The following DNER variants were observed in gnomAD, a reference collection of about 807,000 sequenced individuals.
DNER encodes the protein delta and Notch-like epidermal growth factor-related receptor.
Under a neutral mutation model 78.2 loss-of-function variants are expected in DNER, and 33 were observed. The observed-to-expected ratio is 0.42, with a 90% CI of 0.32 to 0.56. The LOEUF (loss-of-function observed/expected upper bound fraction) is 0.56, where lower values mean the gene tolerates loss of function less well. DNER is among the 20% of genes least tolerant of loss of function. The pLI is 0.11. For missense variants in DNER, 918 were observed against 975.3 expected, an observed-to-expected ratio of 0.94 and a Z score of 0.78; for synonymous variants, 417 against 384.8, an observed-to-expected ratio of 1.08 and a Z score of -0.98.
At chr2:229,676,987 T>C (rs1699310489) in intron 1 of DNER, among the ~76,000 whole-genome samples, 1 of 152,194 alleles carries the variant, frequency 6.6e-6, no homozygotes, top group Non-Finnish European at 1.5e-5. Flanking sequence ...GCCGGCTCAC[T>C]TAGTATGTGA....
chr2:229,392,045 A>G (rs1301825940), intron 10 of DNER, among the ~76,000 whole-genome samples: 1 of 152,194 alleles, frequency 6.6e-6, no homozygotes, highest in Non-Finnish European at 1.5e-5. Context: ...ACTAAAAGAT[A>G]TTGATGACAA....
At chr2:229,381,600 G>C (rs112266078) in intron 11 of DNER, among the ~76,000 whole-genome samples, 1 of 152,064 alleles carries the variant, frequency 6.6e-6, no homozygotes, top group Non-Finnish European at 1.5e-5. Flanking sequence ...GGGGAGGGGC[G>C]TCCACCATTA....
At chr2:229,599,296 A>G (rs1697783425) in intron 1 of DNER, among the ~76,000 whole-genome samples, 1 of 152,246 alleles carries the variant, frequency 6.6e-6, no homozygotes, top group Non-Finnish European at 1.5e-5. Flanking sequence ...GGCAGAATCA[A>G]TTTTAAAACT....
At chr2:229,702,289 C>G (rs1317840127) in intron 1 of DNER, 1 of 152,938 alleles carries the variant, frequency 6.5e-6, no homozygotes, top group Non-Finnish European at 1.5e-5. Context: ...AATCCCAGCA[C>G]TTTGGGAGGT....
At chr2:229,389,662 GCTATTGGTTTAC>G (rs890624837) in intron 10 of DNER, among the ~76,000 whole-genome samples, 2 of 152,098 alleles carry the variant, frequency 1.3e-5, no homozygotes, top group Admixed American at 1.3e-4. Flanking sequence ...TTTTCTATCT[GCTATTGGTTTAC>G]CTTACGTTTA....
intron 1 of DNER, among the ~76,000 whole-genome samples, chr2:229,635,243 C>T (rs182550114): frequency 2.5e-4 from 38 of 152,032 alleles, no homozygotes; most frequent in African/African-American, 6.5e-4. Flanking sequence ...GGGTTCATGC[C>T]TAGTACAGCA....
chr2:229,680,384 G>A (rs900455564), intron 1 of DNER, among the ~76,000 whole-genome samples: 2 of 152,198 alleles, frequency 1.3e-5, no homozygotes, highest in African/African-American at 4.8e-5. Context: ...TTGGACCATG[G>A]ATCTCATTCT....
intron 7 of DNER, among the ~76,000 whole-genome samples, chr2:229,453,116 T>C (rs1186196003): frequency 3.9e-5 from 6 of 152,244 alleles, no homozygotes; most frequent in Admixed American, 2.6e-4. Flanking sequence ...TCACTCTGAC[T>C]TTCTGCTTTT....
intron 7 of DNER, among the ~76,000 whole-genome samples, chr2:229,470,667 T>C (rs900137699): frequency 2.0e-5 from 3 of 152,072 alleles, no homozygotes; most frequent in Non-Finnish European, 4.4e-5. Context: ...CTGGCCAACA[T>C]GGTGAAACCC....
At chr2:229,447,841 T>C (rs1559354440) in intron 7 of DNER, among the ~76,000 whole-genome samples, 1 of 152,214 alleles carries the variant, frequency 6.6e-6, no homozygotes. Flanking sequence ...CATGTGTGTA[T>C]ACTCTAGAAA....
chr2:229,708,250 G>A (rs542136881), intron 1 of DNER, among the ~76,000 whole-genome samples: 2 of 152,318 alleles, frequency 1.3e-5, no homozygotes, highest in Non-Finnish European at 2.9e-5. Context: ...TAAGAGTCTA[G>A]CAGGAGCTTC....
intron 4 of DNER, among the ~76,000 whole-genome samples, chr2:229,582,857 T>C (rs1028446439): frequency 6.6e-6 from 1 of 152,090 alleles, no homozygotes; most frequent in Non-Finnish European, 1.5e-5. Flanking sequence ...GTCAGGCTGG[T>C]CTCAATCTCC....
intron 1 of DNER, among the ~76,000 whole-genome samples, chr2:229,617,115 T>C (rs1419352387): frequency 6.6e-6 from 1 of 152,234 alleles, no homozygotes; most frequent in Non-Finnish European, 1.5e-5. Flanking sequence ...ATTTTATTTA[T>C]CAAAACTTAA....
chr2:229,575,732 G>T (rs2052310), intron 4 of DNER, among the ~76,000 whole-genome samples: 124,004 of 152,150 alleles, frequency 0.82, 52,053 homozygotes, highest in Non-Finnish European at 0.92. Flanking sequence ...GGAATGCTCG[G>T]GGTATCACCA....
intron 6 of DNER, among the ~76,000 whole-genome samples, chr2:229,477,807 C>T (rs1230356227): frequency 1.3e-5 from 2 of 152,182 alleles, no homozygotes; most frequent in Admixed American, 1.3e-4. Flanking sequence ...ATGCTAAGCA[C>T]ATTAATATAT....
intron 1 of DNER, among the ~76,000 whole-genome samples, chr2:229,648,549 G>A (rs1033810891): frequency 3.2e-4 from 48 of 152,250 alleles, no homozygotes; most frequent in African/African-American, 1.1e-3. Flanking sequence ...GTCTAAAGTC[G>A]CTGTAGCTAC....
intron 7 of DNER, among the ~76,000 whole-genome samples, chr2:229,448,353 C>T (rs1399502769): frequency 6.6e-6 from 1 of 152,142 alleles, no homozygotes; most frequent in East Asian, 1.9e-4. Context: ...AAATGGTTGC[C>T]TATGGCTGGG....
chr2:229,693,719 T>A (rs1156612475), intron 1 of DNER, among the ~76,000 whole-genome samples: 2 of 152,046 alleles, frequency 1.3e-5, no homozygotes, highest in African/African-American at 4.8e-5. Flanking sequence ...AGAGATGATT[T>A]AGGGTATCTG....
intron 1 of DNER, among the ~76,000 whole-genome samples, chr2:229,616,541 G>A (rs531344800): frequency 2.4e-3 from 358 of 152,274 alleles, no homozygotes; most frequent in African/African-American, 8.4e-3. Flanking sequence ...CCCACAGACA[G>A]TGTGTATGTC....
Sources: allele counts gnomAD v4.1 joint callset (sites outside exome capture counted in the v4.1 genomes callset), GRCh38; gene constraint gnomAD v4.1.1; transcripts MANE v1.5; gene names NCBI Gene and HGNC (gene_info 2026-07-23, HGNC 2026-07-21).